Variants in SBF2 observed in about 807,000 individuals in gnomAD.
The protein encoded by SBF2 is SET binding factor 2, also known as myotubularin-related protein 13.
SBF2 carries 112 observed loss-of-function variants against 225.2 expected under a neutral mutation model. The ratio of observed to expected loss-of-function variants is 0.50; its 90% confidence interval spans 0.43 to 0.58. SBF2 has a LOEUF of 0.58. SBF2 is among the 20% of genes least tolerant of loss of function. SBF2 has a pLI of 0.00. For missense variants in SBF2, 1,996 were observed against 2,206.2 expected, an observed-to-expected ratio of 0.90 and a Z score of 1.91; for synonymous variants, 763 against 773.3, an observed-to-expected ratio of 0.99 and a Z score of 0.22.
At chr11:10,181,245 G>T (rs1956723446) in intron 2 of SBF2, among the ~76,000 whole-genome samples, 1 of 151,976 alleles carries the variant, frequency 6.6e-6, no homozygotes, top group Admixed American at 6.6e-5. Flanking sequence ...AGAATCAAAA[G>T]ACCAGGGTTT....
intron 6 of SBF2, chr11:10,016,393 T>C (rs1226614356): frequency 1.3e-5 from 2 of 152,186 alleles, no homozygotes; most frequent in African/African-American, 4.8e-5. Flanking sequence ...ATTAATAGTA[T>C]AATACAAAAC....
At chr11:9,928,308 T>A (rs553174093) in intron 16 of SBF2, among the ~76,000 whole-genome samples, 2 of 152,228 alleles carry the variant, frequency 1.3e-5, no homozygotes, top group East Asian at 3.9e-4. Context: ...TGAACATACA[T>A]CAACAAAGAT....
At chr11:10,162,829 A>G (rs1955810052) in intron 2 of SBF2, among the ~76,000 whole-genome samples, 1 of 152,160 alleles carries the variant, frequency 6.6e-6, no homozygotes, top group African/African-American at 2.4e-5. Context: ...CAGATCCAAG[A>G]ATAACTAGGA....
At chr11:10,144,557 AT>A (rs753884642) in intron 2 of SBF2, among the ~76,000 whole-genome samples, 2 of 152,226 alleles carry the variant, frequency 1.3e-5, no homozygotes, top group African/African-American at 2.4e-5. Flanking sequence ...GAAGAAAAAA[AT>A]AAATATTTTC....
intron 16 of SBF2, among the ~76,000 whole-genome samples, chr11:9,941,187 T>C (rs1022711345): frequency 4.6e-5 from 7 of 152,138 alleles, no homozygotes; most frequent in Non-Finnish European, 8.8e-5. Flanking sequence ...TGGTGGCGCA[T>C]GCCTGTGGTC....
chr11:9,978,766 C>A (rs556272939), intron 13 of SBF2, among the ~76,000 whole-genome samples: 1 of 152,248 alleles, frequency 6.6e-6, no homozygotes, highest in South Asian at 2.1e-4. Context: ...TTGGCCGAGG[C>A]GAGTGGATCC....
chr11:10,212,956 G>A (rs888694047), intron 1 of SBF2, among the ~76,000 whole-genome samples: 2 of 152,060 alleles, frequency 1.3e-5, no homozygotes, highest in Non-Finnish European at 2.9e-5. Context: ...GGCTGAAGCA[G>A]GAGAATCGCT....
intron 1 of SBF2, among the ~76,000 whole-genome samples, chr11:10,227,998 G>A (rs1030759404): frequency 1.3e-5 from 2 of 150,864 alleles, no homozygotes; most frequent in African/African-American, 2.4e-5. Flanking sequence ...TTATTTCCTT[G>A]AGCAGTGGTT....
chr11:10,065,121 C>G (rs79044582), intron 2 of SBF2, among the ~76,000 whole-genome samples: 5,398 of 152,134 alleles, frequency 0.035, 322 homozygotes, highest in East Asian at 0.19. Context: ...ACAGAAATAT[C>G]TCTTGAAAAA....
At chr11:9,866,468 A>C (rs962351656) in intron 17 of SBF2, among the ~76,000 whole-genome samples, 1 of 152,226 alleles carries the variant, frequency 6.6e-6, no homozygotes, top group Non-Finnish European at 1.5e-5. Flanking sequence ...CCAAGAACAG[A>C]TACTGGGGAA....
intron 2 of SBF2, among the ~76,000 whole-genome samples, chr11:10,160,254 T>G (rs1014777256): frequency 6.6e-6 from 1 of 152,154 alleles, no homozygotes; most frequent in African/African-American, 2.4e-5. Flanking sequence ...AAAAAAGTGT[T>G]GGTGAAATAA....
At chr11:10,174,412 C>T (rs914114466) in intron 2 of SBF2, among the ~76,000 whole-genome samples, 10 of 151,978 alleles carry the variant, frequency 6.6e-5, no homozygotes, top group African/African-American at 2.4e-4. Context: ...AGGGTATCAG[C>T]GATGGAAGAT....
intron 1 of SBF2, among the ~76,000 whole-genome samples, chr11:10,232,904 T>C (rs1448407244): frequency 3.3e-5 from 5 of 152,216 alleles, no homozygotes; most frequent in Admixed American, 3.3e-4. Flanking sequence ...GTACTTAGAA[T>C]TAGAAGTTGT....
chr11:10,269,977 T>A (rs1055752075), intron 1 of SBF2, among the ~76,000 whole-genome samples: 1 of 152,168 alleles, frequency 6.6e-6, no homozygotes, highest in African/African-American at 2.4e-5. Flanking sequence ...CCTCTCTATT[T>A]GATCCTGAGA....
rs144322664 is a variant in SBF2, at chr11:9,894,177, T to C, written c.1929+1766A>G. ...TGGGCAGACAGCTTGAGTCTAGGAATTTTAGACCAGCCTGGGCAACATGGT... is the reference window on the plus strand; with the variant it reads ...TGGGCAGACAGCTTGAGTCTAGGAACTTTAGACCAGCCTGGGCAACATGGT... On this transcript the variant is annotated intron_variant, in intron 17 of 39. Transcript: ENST00000256190. Among the ~76,000 whole-genome samples the C allele has an allele frequency of 7.4e-4, 112 of 152,226 alleles. 1 individual carries two copies. In the East Asian group the frequency reaches 0.018, roughly 25 times the overall value.
At chr11:9,813,577 C>T (rs1358597459) in intron 29 of SBF2, among the ~76,000 whole-genome samples, 1 of 152,170 alleles carries the variant, frequency 6.6e-6, no homozygotes, top group Non-Finnish European at 1.5e-5. Context: ...CCGCCCACCT[C>T]GGCCTCCCAA....
chr11:10,007,977 TCA>T (rs1948270682), intron 6 of SBF2, among the ~76,000 whole-genome samples: 1 of 152,218 alleles, frequency 6.6e-6, no homozygotes, highest in Non-Finnish European at 1.5e-5. Flanking sequence ...GAGGGATTTC[TCA>T]GTCATACTAG....
chr11:9,892,770 G>A (rs1294345958), intron 17 of SBF2, among the ~76,000 whole-genome samples: 1 of 152,072 alleles, frequency 6.6e-6, no homozygotes, highest in Non-Finnish European at 1.5e-5. Flanking sequence ...TGTTGGTCAG[G>A]CTGGTCTTCA....
chr11:9,959,909 C>A, intron 16 of SBF2: 1 of 351,588 alleles, frequency 2.8e-6, no homozygotes, highest in Non-Finnish European at 5.6e-6. Context: ...CCATTCTCGG[C>A]TCTGCCTTTT....
Sources: gnomAD v4.1 joint callset for allele counts (sites outside exome capture counted in the v4.1 genomes callset) on GRCh38, gnomAD v4.1.1 for gene constraint, MANE v1.5 for transcripts, NCBI Gene and HGNC (gene_info 2026-07-23, HGNC 2026-07-21) for gene names.